The following PRUNE2 variants were observed in gnomAD, a reference collection of about 807,000 sequenced individuals.
The protein encoded by PRUNE2 is prune homolog 2 with BCH domain.
A neutral mutation model predicts 252.0 loss-of-function variants in PRUNE2; 164 were observed. The observed-to-expected ratio is 0.65, with a 90% CI of 0.57 to 0.74. PRUNE2 has a LOEUF of 0.74. Among genes scored for constraint, PRUNE2 ranks in the 30% least tolerant of loss-of-function variants. The pLI is 0.00. For synonymous variants in PRUNE2, 1,292 were observed against 1,350.2 expected (o/e 0.96, Z 0.94); for missense variants, 3,495 against 3,711.0 (o/e 0.94, Z 1.51).
At chr9:76,856,590 A>G (rs1340763479) in intron 1 of PRUNE2, 1 of 152,826 alleles carries the variant, frequency 6.5e-6, no homozygotes, top group Non-Finnish European at 1.5e-5. Context: ...CTGTAAGATA[A>G]TTATAAGGTT....
intron 6 of PRUNE2, among the ~76,000 whole-genome samples, chr9:76,720,505 T>A (rs1026814505): frequency 2.0e-5 from 3 of 152,190 alleles, no homozygotes; most frequent in African/African-American, 7.2e-5. Flanking sequence ...CCTCACCTCA[T>A]AGGACTGTTG....
chr9:76,709,104 G>A lies in PRUNE2; in HGVS notation c.3170C>T (p.Thr1057Ile), dbSNP rs1212893700. ...THNLDENELK[T>I]EHTDGKNISM... ...GATATTCTTACCATCTGTGTGCTCT[G>A]TCTTGAGTTCATTTTCATCCAGGTT... The change falls in exon 8 of 19, where the codon ACA becomes ATA. Residue 1057 changes from threonine (T) to isoleucine (I), a missense_variant. By Grantham distance (89) the Thr-to-Ile change is moderately conservative (BLOSUM62 -1). Transcript: ENST00000376718. 6.2e-7 allele frequency: 1 copy of A among 1,613,946 alleles called. No individual in the cohort carries two copies. Among genetic ancestry groups the A allele is most frequent in the East Asian group, 2.2e-5 (1 of 44,880 alleles).
chr9:76,787,182 C>T (rs545725294), intron 6 of PRUNE2: 1 of 152,030 alleles, frequency 6.6e-6, no homozygotes, highest in East Asian at 1.9e-4. Flanking sequence ...CTTTTTCTTA[C>T]AGTGTCTTGG....
rs2046280239 is a variant in PRUNE2 at position 76,705,936 on chromosome 9, G to GCTTCAGAAT, written c.6329_6337dup (p.Asp2110_Glu2112dup). On this transcript the variant is annotated inframe_insertion, in exon 8 of 19. Coordinates refer to ENST00000376718, the MANE Select transcript of PRUNE2 (RefSeq NM_015225.3). ...GAGGTGCTTCTCAGTCTCTTGCTTT[G>GCTTCAGAAT]CTTCAGAATCGTGACATATATCAGG... is the stretch of plus-strand genomic sequence containing the variant. 1 of 1,613,964 alleles carries GCTTCAGAAT rather than the reference G, an allele frequency of 6.2e-7. No individual in the cohort carries two copies. Among genetic ancestry groups the GCTTCAGAAT allele is most frequent in the African/African-American group, 1.3e-5 (1 of 75,038 alleles).
chr9:76,850,706 G>A (rs1341919453), intron 2 of PRUNE2, 41 bp from the exon 3 acceptor site: 4 of 1,424,790 alleles, frequency 2.8e-6, no homozygotes, highest in Non-Finnish European at 3.0e-6. Flanking sequence ...AAAATAGCAG[G>A]AGGAAAGAAT....
At chr9:76,808,005 C>G (rs1027280296) in intron 6 of PRUNE2, among the ~76,000 whole-genome samples, 6 of 152,036 alleles carry the variant, frequency 3.9e-5, no homozygotes, top group Non-Finnish European at 7.4e-5. Context: ...TGGTGAAACC[C>G]CGTCTCTACT....
intron 17 of PRUNE2, among the ~76,000 whole-genome samples, chr9:76,623,545 G>A (rs1405877149): frequency 6.6e-6 from 1 of 152,052 alleles, no homozygotes; most frequent in Admixed American, 6.6e-5. Flanking sequence ...CACCCATCTC[G>A]GCCTCCCAAA....
At chr9:76,640,465 T>A (rs576078910) in intron 12 of PRUNE2, among the ~76,000 whole-genome samples, 16 of 152,354 alleles carry the variant, frequency 1.1e-4, no homozygotes, top group African/African-American at 3.4e-4. Flanking sequence ...TGTTGTTGTA[T>A]ACAGTATTTA....
chr9:76,696,810 C>T (rs2045433754), intron 9 of PRUNE2, among the ~76,000 whole-genome samples: 1 of 152,248 alleles, frequency 6.6e-6, no homozygotes, highest in African/African-American at 2.4e-5. Flanking sequence ...GTGTCCCTCA[C>T]ACTAGGTCAC....
intron 9 of PRUNE2, among the ~76,000 whole-genome samples, chr9:76,671,043 G>C (rs1203558776): frequency 6.6e-6 from 1 of 152,236 alleles, no homozygotes; most frequent in Non-Finnish European, 1.5e-5. Context: ...ACGGAATAAA[G>C]CTGGATGGAG....
chr9:76,768,583 ATGTGTGTGTGTGTGTGTGTG>A (rs55793596), intron 6 of PRUNE2, among the ~76,000 whole-genome samples: 1 of 103,244 alleles, frequency 9.7e-6, no homozygotes, highest in African/African-American at 3.3e-5. Flanking sequence ...ATGTATATGT[ATGTGTGTGTGTGTGTGTGTG>A]TGTGTGTGTG....
At chr9:76,768,609 GTGTGTGTGTGTGTGTA>G (rs1231260368) in intron 6 of PRUNE2, among the ~76,000 whole-genome samples, 26 of 151,480 alleles carry the variant, frequency 1.7e-4, no homozygotes, top group Non-Finnish European at 2.5e-4. Context: ...GTGTGTGTGT[GTGTGTGTGTGTGTGTA>G]TATCCCTGCT....
chr9:76,905,307 T>C (rs950270761), intron 1 of PRUNE2, among the ~76,000 whole-genome samples: 7 of 152,198 alleles, frequency 4.6e-5, no homozygotes, highest in Admixed American at 4.6e-4. Flanking sequence ...GGGAGAACGA[T>C]GATCTGGTAA....
intron 1 of PRUNE2, among the ~76,000 whole-genome samples, chr9:76,890,508 TG>T (rs962979865): frequency 6.6e-6 from 1 of 152,180 alleles, no homozygotes; most frequent in Admixed American, 6.5e-5. Flanking sequence ...AACTAAAAAT[TG>T]GGGCATGCAA....
chr9:76,884,257 G>A (rs2061960350), intron 1 of PRUNE2, among the ~76,000 whole-genome samples: 1 of 152,092 alleles, frequency 6.6e-6, no homozygotes, highest in African/African-American at 2.4e-5. Flanking sequence ...TAGAGCTAAG[G>A]AAATTTACAA....
chr9:76,770,461 A>G (rs1038474046), intron 6 of PRUNE2, among the ~76,000 whole-genome samples: 16 of 152,198 alleles, frequency 1.1e-4, no homozygotes, highest in African/African-American at 3.4e-4. Flanking sequence ...AAATGAATAT[A>G]TGATTCAAAA....
chr9:76,623,834 C>T (rs1833497800), intron 17 of PRUNE2, among the ~76,000 whole-genome samples: 1 of 152,160 alleles, frequency 6.6e-6, no homozygotes, highest in African/African-American at 2.4e-5. Context: ...GTGGTTCCTG[C>T]ATTAAATAAT....
intron 6 of PRUNE2, among the ~76,000 whole-genome samples, chr9:76,803,460 A>G (rs1053040544): frequency 2.0e-5 from 3 of 152,210 alleles, no homozygotes; most frequent in African/African-American, 7.2e-5. Context: ...CCCTGATCCT[A>G]GGTAAAAACT....
chr9:76,836,956 T>G (rs2059018840), intron 4 of PRUNE2, among the ~76,000 whole-genome samples: 1 of 152,248 alleles, frequency 6.6e-6, no homozygotes, highest in African/African-American at 2.4e-5. Flanking sequence ...TCTACCTCAA[T>G]GTTTGAATAA....
Sources: gnomAD v4.1 joint callset for allele counts (sites outside exome capture counted in the v4.1 genomes callset) on GRCh38, gnomAD v4.1.1 for gene constraint, MANE v1.5 for transcripts, NCBI Gene and HGNC (gene_info 2026-07-23, HGNC 2026-07-21) for gene names.